The following TAOK1 variants were observed in gnomAD, a reference collection of about 807,000 sequenced individuals.
TAOK1 encodes serine/threonine-protein kinase TAO1.
TAOK1 carries 21 observed loss-of-function variants against 138.3 expected under a neutral mutation model. The ratio of observed to expected loss-of-function variants is 0.15; its 90% confidence interval spans 0.11 to 0.22. The LOEUF (loss-of-function observed/expected upper bound fraction) is 0.22, where lower values mean the gene tolerates loss of function less well. Ranked by LOEUF, TAOK1 falls within the 10% of genes least tolerant of loss-of-function variation. TAOK1 has a pLI of 1.00. For synonymous variants in TAOK1, 361 were observed against 398.4 expected, an observed-to-expected ratio of 0.91 and a Z score of 1.12; for missense variants, 651 against 1,227.7, an observed-to-expected ratio of 0.53 and a Z score of 7.02.
At chr17:29,408,737 G>A (rs1905063875) in intron 1 of TAOK1, among the ~76,000 whole-genome samples, 1 of 151,302 alleles carries the variant, frequency 6.6e-6, no homozygotes, top group African/African-American at 2.4e-5. Context: ...TTTGGAGATG[G>A]AGTCTCACTG....
At chr17:29,495,766 CT>C (rs2153027989) in intron 11 of TAOK1, 39 bp downstream of exon 11, 1 of 1,450,940 alleles carries the variant, frequency 6.9e-7, no homozygotes, top group East Asian at 2.5e-5. Context: ...TGAATTTTCA[CT>C]TTTGGTTTCT....
At chr17:29,523,970 A>G (rs1702243227) in intron 17 of TAOK1, among the ~76,000 whole-genome samples, 2 of 152,212 alleles carry the variant, frequency 1.3e-5, no homozygotes, top group Admixed American at 6.6e-5. Flanking sequence ...TCTAGAAGCT[A>G]TAACACACTC....
At chr17:29,415,784 AAG>A (rs2153021349) in intron 1 of TAOK1, among the ~76,000 whole-genome samples, 1 of 152,354 alleles carries the variant, frequency 6.6e-6, no homozygotes, top group African/African-American at 2.4e-5. Flanking sequence ...GGTAATTAAA[AAG>A]AGAAGATATG....
At chr17:29,463,255 T>C (rs1375553941) in intron 2 of TAOK1, among the ~76,000 whole-genome samples, 1 of 152,142 alleles carries the variant, frequency 6.6e-6, no homozygotes, top group Non-Finnish European at 1.5e-5. Context: ...GAAATTGGAC[T>C]GCTGCCTCAT....
intron 16 of TAOK1, among the ~76,000 whole-genome samples, chr17:29,521,445 C>T (rs1000381430): frequency 2.0e-5 from 3 of 152,154 alleles, no homozygotes; most frequent in Non-Finnish European, 4.4e-5. Context: ...CACATTAAAT[C>T]TGTGAAATAG....
At chr17:29,447,955 CTTTT>C (rs56163080) in intron 1 of TAOK1, among the ~76,000 whole-genome samples, 1 of 93,240 alleles carries the variant, frequency 1.1e-5, no homozygotes, top group Non-Finnish European at 2.0e-5. Context: ...TGCACCTGGT[CTTTT>C]TTTTTTTTTT....
At chr17:29,532,821 C>G (rs1380238682) in intron 18 of TAOK1, among the ~76,000 whole-genome samples, 3 of 151,816 alleles carry the variant, frequency 2.0e-5, no homozygotes, top group Non-Finnish European at 4.4e-5. Context: ...TCCACAAAAC[C>G]GCCATTGTCA....
chr17:29,477,663 T>G lies in TAOK1; in HGVS notation c.309T>G (p.Leu103=). 7.2e-7 allele frequency: 1 copy of G among 1,384,150 alleles called. No individual in the cohort carries two copies. Among genetic ancestry groups the G allele is most frequent in the Non-Finnish European group, 9.5e-7 (1 of 1,057,602 alleles). The allele number at this position is 1,384,150 out of a possible 1,614,324, so 85.7% of individuals were successfully genotyped here. A position where few individuals can be genotyped will look rare whatever the true frequency, so the allele number is the denominator to read the frequency against. Reference sequence around the variant, plus strand: ...GCTTTTATAACTTTTCCATGTAGCTTGTAATGGAATATTGTTTAGGATCTG... The same window carrying G: ...GCTTTTATAACTTTTCCATGTAGCTGGTAATGGAATATTGTTTAGGATCTG... The part of the protein sequence containing the change: ...GCYLREHTAW[L]VMEYCLGSAS... The change falls in exon 5 of 20, where the codon CTT becomes CTG. Residue 103 remains leucine, a splice_region_variant and synonymous_variant. Transcript: ENST00000261716.
intron 1 of TAOK1, among the ~76,000 whole-genome samples, chr17:29,395,341 G>A (rs1452322859): frequency 6.6e-6 from 1 of 152,006 alleles, no homozygotes. Flanking sequence ...AACCAGCCTG[G>A]CCAACAAAGA....
chr17:29,459,788 T>C (rs1278911090), intron 2 of TAOK1, among the ~76,000 whole-genome samples: 2 of 152,218 alleles, frequency 1.3e-5, no homozygotes, highest in Non-Finnish European at 2.9e-5. Context: ...CTGGATGATA[T>C]GGTAGCTCTA....
At chr17:29,488,387 A>G (rs1340368215) in intron 8 of TAOK1, among the ~76,000 whole-genome samples, 1 of 152,044 alleles carries the variant, frequency 6.6e-6, no homozygotes, top group Non-Finnish European at 1.5e-5. Flanking sequence ...CCTGATCAAC[A>G]TGGAGAAACC....
Position 29,477,648 on chromosome 17 carries a change from C to T in TAOK1, c.307-13C>T. ...ATAATATATTTTAATGCTTTTATAA[C>T]TTTTCCATGTAGCTTGTAATGGAAT... On this transcript the variant is annotated splice_polypyrimidine_tract_variant and intron_variant, in intron 4 of 19. Coordinates refer to ENST00000261716, the MANE Select transcript of TAOK1 (RefSeq NM_020791.4). The T allele has an allele frequency of 7.4e-7, 1 of 1,347,796 alleles. No homozygotes were observed. Among genetic ancestry groups the T allele is most frequent in the Non-Finnish European group, 9.7e-7 (1 of 1,034,938 alleles). 83.5% of individuals were successfully genotyped at this position (1,347,796 alleles called of 1,614,324 possible).
At position 29,434,079 on chromosome 17, in the gene TAOK1, G is replaced by T. The variant is rs1280170005; in HGVS notation, c.-94-17376G>T. ...AACGAAACAAGGGGCGGGGTAAGGA[G>T]AGCTGAAAAATACTGAGGCCTTTTA... On this transcript the variant is annotated intron_variant, in intron 1 of 19. Transcript: ENST00000261716. 2.0e-5 allele frequency among the ~76,000 whole-genome samples: 3 copies of T among 152,284 alleles called. No homozygotes were observed. In the East Asian group the frequency reaches 5.8e-4, roughly 29 times the overall value.
chr17:29,419,395 C>A (rs903112686), intron 1 of TAOK1, among the ~76,000 whole-genome samples: 27 of 151,894 alleles, frequency 1.8e-4, no homozygotes, highest in Admixed American at 3.3e-4. Flanking sequence ...GGGGTTTCTC[C>A]TTGTTGGTCA....
chr17:29,506,021 T>G (rs769862361), intron 13 of TAOK1, among the ~76,000 whole-genome samples: 5 of 152,194 alleles, frequency 3.3e-5, no homozygotes, highest in Non-Finnish European at 7.3e-5. Flanking sequence ...GGTGATAACC[T>G]AAATTAGTAT....
chr17:29,531,986 G>A (rs913488960), intron 18 of TAOK1, among the ~76,000 whole-genome samples: 1 of 150,440 alleles, frequency 6.6e-6, no homozygotes, highest in Non-Finnish European at 1.5e-5. Flanking sequence ...TCAGCCTCCC[G>A]AATAGCTGAG....
intron 1 of TAOK1, among the ~76,000 whole-genome samples, chr17:29,396,725 T>C (rs1259357385): frequency 6.6e-6 from 1 of 152,108 alleles, no homozygotes; most frequent in Non-Finnish European, 1.5e-5. Flanking sequence ...TGGCTGGGCG[T>C]GGTGGCTCAC....
At chr17:29,463,223 T>G (rs1342114042) in intron 2 of TAOK1, among the ~76,000 whole-genome samples, 1 of 152,190 alleles carries the variant, frequency 6.6e-6, no homozygotes, top group African/African-American at 2.4e-5. Context: ...GGTAATTTTT[T>G]GCTTTGTAAA....
At chr17:29,525,159 C>T (rs2150769059) in intron 17 of TAOK1, among the ~76,000 whole-genome samples, 1 of 152,094 alleles carries the variant, frequency 6.6e-6, no homozygotes, top group Non-Finnish European at 1.5e-5. Context: ...ATTGCCCAGG[C>T]TGGAATGCAA....
Sources: allele counts gnomAD v4.1 joint callset (sites outside exome capture counted in the v4.1 genomes callset), GRCh38; gene constraint gnomAD v4.1.1; transcripts MANE v1.5; gene names NCBI Gene and HGNC (gene_info 2026-07-23, HGNC 2026-07-21).